GRB10: variants seen among roughly 807,000 people sequenced by gnomAD.
GRB10 encodes the protein growth factor receptor-bound protein 10.
A neutral mutation model predicts 80.9 loss-of-function variants in GRB10; 20 were observed. The ratio of observed to expected loss-of-function variants is 0.25; its 90% confidence interval spans 0.17 to 0.36. GRB10 has a LOEUF of 0.36. Ranked by LOEUF, GRB10 falls within the 10% of genes least tolerant of loss-of-function variation. GRB10 has a pLI of 1.00. For missense variants in GRB10, 548 were observed against 747.7 expected (o/e 0.73, Z 3.12); for synonymous variants, 291 against 291.5 (o/e 1.00, Z 0.02).
intron 4 of GRB10, among the ~76,000 whole-genome samples, chr7:50,731,713 GT>G (rs1328597373): frequency 6.6e-6 from 1 of 152,260 alleles, no homozygotes; most frequent in Non-Finnish European, 1.5e-5. Flanking sequence ...GCTAGAGAAA[GT>G]GAAGGAACAG....
At chr7:50,705,044 G>C in intron 4 of GRB10, 2 of 635,942 alleles carry the variant, frequency 3.1e-6, no homozygotes, top group Non-Finnish European at 3.9e-6. Context: ...ATTTCTGCCT[G>C]AATGCTTCCC....
At chr7:50,665,490 G>GT (rs1474710429) in intron 7 of GRB10, among the ~76,000 whole-genome samples, 1 of 152,246 alleles carries the variant, frequency 6.6e-6, no homozygotes, top group Non-Finnish European at 1.5e-5. Context: ...AAGTGCCTGG[G>GT]TTTACTGGCT....
intron 2 of GRB10, among the ~76,000 whole-genome samples, chr7:50,765,640 T>C (rs2076265040): frequency 6.6e-6 from 1 of 151,650 alleles, no homozygotes; most frequent in Admixed American, 6.6e-5. Context: ...CAGGGAAGAG[T>C]AGGGGGGTAT....
chr7:50,674,678 A>G lies in GRB10; in HGVS notation c.140-20T>C. 2 of 1,607,184 alleles carry G rather than the reference A, an allele frequency of 1.2e-6. No individual in the cohort carries two copies. The highest frequency in any genetic ancestry group is 1.7e-6 in the Non-Finnish European group (2 of 1,174,828). The stretch of plus-strand genomic sequence containing the variant: ...CATCCTCTGCACAGAAAAAGGCAAG[A>G]GCAAAAAAGAAACTTTAACAATGGA... On this transcript the variant is annotated intron_variant, in intron 5 of 18. Transcript: ENST00000401949.
intron 3 of GRB10, among the ~76,000 whole-genome samples, chr7:50,740,849 C>T (rs972203856): frequency 6.7e-6 from 1 of 148,644 alleles, no homozygotes; most frequent in Non-Finnish European, 1.5e-5. Context: ...ATACCCAAGG[C>T]AAATAGAAAA....
At chr7:50,774,240 AGGGTG>A (rs2077344743) in intron 2 of GRB10, among the ~76,000 whole-genome samples, 1 of 152,210 alleles carries the variant, frequency 6.6e-6, no homozygotes, top group Non-Finnish European at 1.5e-5. Flanking sequence ...TGATAGCTAA[AGGGTG>A]CAGGGTCTCT....
Position 50,590,146 on chromosome 7 carries a change from A to T in GRB10, c.*2806T>A, listed in dbSNP as rs949970121. 4 of 152,240 alleles carry T rather than the reference A, an allele frequency of 2.6e-5. No homozygotes were observed. Among genetic ancestry groups the T allele is most frequent in the Non-Finnish European group, 5.9e-5 (4 of 68,036 alleles). The allele number at this position is 152,240 out of a possible 1,614,324, so 9.4% of individuals were successfully genotyped here. A position where few individuals can be genotyped will look rare whatever the true frequency, so the allele number is the denominator to read the frequency against. ...CCCTTATTTGTACAAAAATACCTGA[A>T]AGTTTACAATTAGGTTCACGAGCCA... On this transcript the variant is annotated 3_prime_UTR_variant, in exon 19 of 19. Coordinates refer to ENST00000401949, the MANE Select transcript of GRB10 (RefSeq NM_001350814.2).
intron 2 of GRB10, among the ~76,000 whole-genome samples, chr7:50,774,774 A>T (rs766115686): frequency 6.6e-6 from 1 of 152,130 alleles, no homozygotes; most frequent in Non-Finnish European, 1.5e-5. Context: ...TCAGGCCAGG[A>T]TCAATTCAAA....
At chr7:50,792,241 TC>T (rs1165580236) in intron 1 of GRB10, among the ~76,000 whole-genome samples, 4 of 146,516 alleles carry the variant, frequency 2.7e-5, no homozygotes, top group East Asian at 4.2e-4. Context: ...CTTTCCCCCC[TC>T]CCCCCCATCT....
At chr7:50,608,612 A>G (rs572641440) in intron 13 of GRB10, among the ~76,000 whole-genome samples, 24 of 152,360 alleles carry the variant, frequency 1.6e-4, no homozygotes, top group African/African-American at 5.8e-4. Context: ...AAAGGTCCTC[A>G]TGCCTGCCTG....
chr7:50,780,410 C>A (rs1167443596), intron 2 of GRB10, among the ~76,000 whole-genome samples: 1 of 152,170 alleles, frequency 6.6e-6, no homozygotes, highest in Non-Finnish European at 1.5e-5. Context: ...CTCAAGGCCT[C>A]CCCTCATTCT....
rs114227731 is a variant in GRB10 at position 50,732,089 on chromosome 7, C to T, written c.51+183G>A. Among the ~76,000 whole-genome samples, 178 of 152,344 alleles carry T rather than the reference C, an allele frequency of 1.2e-3. 1 individual carries two copies. Among genetic ancestry groups the T allele is most frequent in the African/African-American group, 4.1e-3 (170 of 41,578 alleles). The stretch of plus-strand genomic sequence containing the variant: ...CTATCTTACAAGGCAAAGCAAGACA[C>T]AGAAGACCGAGGCAGAAAGGGCAGT... On this transcript the variant is annotated intron_variant, in intron 4 of 18. Coordinates refer to ENST00000401949, the MANE Select transcript of GRB10 (RefSeq NM_001350814.2).
intron 7 of GRB10, among the ~76,000 whole-genome samples, chr7:50,643,555 T>G (rs559943660): frequency 1.3e-5 from 2 of 152,362 alleles, no homozygotes; most frequent in African/African-American, 4.8e-5. Flanking sequence ...AGGATGTTTA[T>G]ATGAACAATC....
At chr7:50,701,390 G>A (rs372465164) in intron 5 of GRB10, among the ~76,000 whole-genome samples, 1 of 152,026 alleles carries the variant, frequency 6.6e-6, no homozygotes, top group African/African-American at 2.4e-5. Flanking sequence ...TGGGGAGTTC[G>A]AGACAAGCCT....
intron 7 of GRB10, among the ~76,000 whole-genome samples, chr7:50,641,888 G>A (rs2056327344): frequency 6.6e-6 from 1 of 152,168 alleles, no homozygotes; most frequent in African/African-American, 2.4e-5. Flanking sequence ...GCAGACTGGC[G>A]CCGAGGAGGC....
chr7:50,638,876 G>A (rs1044901074), intron 7 of GRB10, among the ~76,000 whole-genome samples: 2 of 134,006 alleles, frequency 1.5e-5, no homozygotes, highest in African/African-American at 2.7e-5. Context: ...TTTAAAGAGT[G>A]GTAATATACA....
At chr7:50,776,764 T>C (rs957329693) in intron 2 of GRB10, among the ~76,000 whole-genome samples, 9 of 152,302 alleles carry the variant, frequency 5.9e-5, no homozygotes, top group African/African-American at 1.4e-4. Context: ...CAATAAGATA[T>C]TCATTTCCAT....
intron 17 of GRB10, among the ~76,000 whole-genome samples, chr7:50,598,765 C>T (rs1442813234): frequency 6.6e-6 from 1 of 152,182 alleles, no homozygotes; most frequent in Non-Finnish European, 1.5e-5. Context: ...CTGGGGATAA[C>T]ACCTCTCTTT....
At chr7:50,787,110 G>T (rs576818664), upstream of GRB10, among the ~76,000 whole-genome samples, 3 of 152,320 alleles carry the variant, frequency 2.0e-5, no homozygotes, top group East Asian at 5.8e-4. Flanking sequence ...AGCATTAGGG[G>T]ACCATCCCAA....
Sources: gnomAD v4.1 joint callset for allele counts (sites outside exome capture counted in the v4.1 genomes callset) on GRCh38, gnomAD v4.1.1 for gene constraint, MANE v1.5 for transcripts, NCBI Gene and HGNC (gene_info 2026-07-23, HGNC 2026-07-21) for gene names.